The following DDX46 variants were observed in gnomAD, a reference collection of about 807,000 sequenced individuals.
The protein encoded by DDX46 is DEAD-box helicase 46.
DDX46 carries 30 observed loss-of-function variants against 134.9 expected under a neutral mutation model. That is an observed-to-expected ratio of 0.22 (90% CI 0.17 to 0.30). The LOEUF (loss-of-function observed/expected upper bound fraction) is 0.30. Ranked by LOEUF, DDX46 falls within the 10% of genes least tolerant of loss-of-function variation. DDX46 has a pLI of 1.00. For synonymous variants in DDX46, 415 were observed against 404.1 expected (o/e 1.03, Z -0.32); for missense variants, 622 against 1,248.7 (o/e 0.50, Z 7.56).
chr5:134,828,716 A>G lies in DDX46; in HGVS notation c.*10A>G. 4.7e-6 allele frequency: 7 copies of G among 1,497,406 alleles called. No homozygotes were observed. Among genetic ancestry groups the G allele is most frequent in the Non-Finnish European group, 4.4e-6 (5 of 1,126,814 alleles). 92.8% of individuals were successfully genotyped at this position (1,497,406 alleles called of 1,614,324 possible). On this transcript the variant is annotated 3_prime_UTR_variant, in exon 23 of 23. Coordinates refer to ENST00000452510, the MANE Select transcript of DDX46 (RefSeq NM_001300860.2). ...ATACAAAGTCTTATAGACATCCGGA[A>G]AAAAGATTTTTACCTGTGCTGGTCT... is the stretch of plus-strand genomic sequence containing the variant.
chr5:134,826,906 G>A (rs1755606770), intron 21 of DDX46, 41 bp from the exon 22 acceptor site: 2 of 1,595,454 alleles, frequency 1.3e-6, no homozygotes, highest in Non-Finnish European at 1.7e-6. Context: ...CACAGTGTAA[G>A]TTTAGTAATT....
chr5:134,798,557 G>T (rs1038239365), intron 15 of DDX46, among the ~76,000 whole-genome samples: 1 of 152,118 alleles, frequency 6.6e-6, no homozygotes, highest in Non-Finnish European at 1.5e-5. Context: ...TATTCACAAT[G>T]CTATAACCTT....
At chr5:134,793,664 C>G (rs1027714661) in intron 13 of DDX46, among the ~76,000 whole-genome samples, 2 of 152,192 alleles carry the variant, frequency 1.3e-5, no homozygotes, top group Admixed American at 6.5e-5. Context: ...CTTGACCTCC[C>G]AAAGTGCTGG....
intron 16 of DDX46, among the ~76,000 whole-genome samples, chr5:134,810,878 C>T (rs1023822229): frequency 2.0e-5 from 3 of 151,406 alleles, no homozygotes; most frequent in Non-Finnish European, 4.4e-5. Flanking sequence ...TAGTGGCAGG[C>T]GCCTATAATC....
At chr5:134,781,049 T>G in intron 6 of DDX46, 84 bp from the exon 7 acceptor site, 2 of 926,822 alleles carry the variant, frequency 2.2e-6, no homozygotes, top group Non-Finnish European at 3.1e-6. Context: ...AAAGATGAAA[T>G]TGTGTCAGTT....
chr5:134,800,944 G>A (rs949847703), intron 15 of DDX46, among the ~76,000 whole-genome samples: 1 of 152,102 alleles, frequency 6.6e-6, no homozygotes, highest in African/African-American at 2.4e-5. Flanking sequence ...CCAAAGTGCT[G>A]GGGTTACAGG....
At chr5:134,805,589 C>A (rs919605169) in intron 15 of DDX46, among the ~76,000 whole-genome samples, 2 of 151,504 alleles carry the variant, frequency 1.3e-5, no homozygotes, top group African/African-American at 2.4e-5. Flanking sequence ...AGTGCAGTGG[C>A]ATGATCTTGG....
intron 13 of DDX46, among the ~76,000 whole-genome samples, chr5:134,793,157 A>G (rs928178261): frequency 1.3e-4 from 20 of 152,080 alleles, no homozygotes; most frequent in African/African-American, 4.8e-4. Context: ...ACCGTGTCTC[A>G]AGAAAAAAGA....
intron 1 of DDX46, among the ~76,000 whole-genome samples, chr5:134,763,263 G>T (rs1482377144): frequency 1.3e-5 from 2 of 152,130 alleles, no homozygotes; most frequent in Non-Finnish European, 2.9e-5. Flanking sequence ...TAATGAGGTT[G>T]TGTCACTCCT....
chr5:134,785,799 GTTATA>G (rs1754313759), intron 11 of DDX46, among the ~76,000 whole-genome samples: 1 of 151,708 alleles, frequency 6.6e-6, no homozygotes, highest in Admixed American at 6.6e-5. Context: ...ACTAGTTAAT[GTTATA>G]TTGTGTGCTG....
At chr5:134,790,947 C>A (rs1038800721) in intron 13 of DDX46, among the ~76,000 whole-genome samples, 3 of 151,964 alleles carry the variant, frequency 2.0e-5, no homozygotes, top group African/African-American at 7.3e-5. Context: ...GCCTCAGCCT[C>A]CCGAGTACCT....
chr5:134,785,579 G>C lies in DDX46; in HGVS notation c.1457G>C (p.Ser486Thr). 1 of 1,609,040 alleles carries C rather than the reference G, an allele frequency of 6.2e-7. No homozygotes were observed. Among genetic ancestry groups the C allele is most frequent in the South Asian group, 1.1e-5 (1 of 89,962 alleles). ...VVCVYGGTGI[S>T]EQIAELKRGA... Reference sequence around the variant, plus strand: ...TGTGTTTACGGAGGAACAGGAATCAGTGAGCAGGTAGTTATATAAGAAACA... The same window carrying C: ...TGTGTTTACGGAGGAACAGGAATCACTGAGCAGGTAGTTATATAAGAAACA... The change falls in exon 11 of 23, where the codon AGT (serine) becomes ACT (threonine). Residue 486 changes from serine (S) to threonine (T), a missense_variant. Coordinates refer to ENST00000452510, the MANE Select transcript of DDX46 (RefSeq NM_001300860.2).
chr5:134,819,011 A>G lies in DDX46; in HGVS notation c.2977+7A>G. On this transcript the variant is annotated splice_region_variant and intron_variant, in intron 21 of 22. Transcript: ENST00000452510. ...ATTTACTTGGCAATTGAAAGTATGT[A>G]CTGTTAGTTCTGTTTCAATCTTGAA... 2 of 1,613,136 alleles carry G rather than the reference A, an allele frequency of 1.2e-6. No homozygotes were observed. Among genetic ancestry groups the G allele is most frequent in the African/African-American group, 1.3e-5 (1 of 75,004 alleles).
chr5:134,795,098 T>G (rs970730398), intron 14 of DDX46, 84 bp downstream of exon 14: 5 of 1,504,898 alleles, frequency 3.3e-6, no homozygotes, highest in African/African-American at 2.8e-5. Context: ...GTTTGTGAGG[T>G]AGGCAAGGTA....
intron 4 of DDX46, among the ~76,000 whole-genome samples, chr5:134,772,863 G>A (rs923141255): frequency 6.6e-6 from 1 of 152,062 alleles, no homozygotes; most frequent in African/African-American, 2.4e-5. Flanking sequence ...GTACAATGGC[G>A]TGATCTCAGC....
intron 21 of DDX46, among the ~76,000 whole-genome samples, chr5:134,822,588 A>G (rs1317092151): frequency 6.6e-6 from 1 of 151,916 alleles, no homozygotes; most frequent in South Asian, 2.1e-4. Flanking sequence ...GTACTCCCAC[A>G]TCGGCCTCCC....
chr5:134,821,386 A>G (rs186709680), intron 21 of DDX46, among the ~76,000 whole-genome samples: 1 of 151,824 alleles, frequency 6.6e-6, no homozygotes, highest in Non-Finnish European at 1.5e-5. Flanking sequence ...CATGTTGGTC[A>G]GGCTGTTGTC....
rs183632312 is a variant in DDX46, at chr5:134,829,882, A to G, written c.*1176A>G. On this transcript the variant is annotated 3_prime_UTR_variant, in exon 23 of 23. Transcript: ENST00000452510. ...CTGAGGCAGAAGAATCTGAGCCAAG[A>G]TAACACCATTGCACTCCAGCCTGGG... 6.6e-6 allele frequency: 1 copy of G among 151,900 alleles called. No individual in the cohort carries two copies. The highest frequency in any genetic ancestry group is 2.1e-4 in the South Asian group (1 of 4,812). The allele number at this position is 151,900 out of a possible 1,614,324, so 9.4% of individuals were successfully genotyped here.
chr5:134,814,955 A>G (rs1755245773), intron 18 of DDX46, among the ~76,000 whole-genome samples: 1 of 152,172 alleles, frequency 6.6e-6, no homozygotes, highest in Non-Finnish European at 1.5e-5. Context: ...TGTTTTAAGA[A>G]GAATCTAAGG....
Sources: gnomAD v4.1 joint callset for allele counts (sites outside exome capture counted in the v4.1 genomes callset) on GRCh38, gnomAD v4.1.1 for gene constraint, MANE v1.5 for transcripts, NCBI Gene and HGNC (gene_info 2026-07-23, HGNC 2026-07-21) for gene names.